The following CECR2 variants were observed in gnomAD, a reference collection of about 807,000 sequenced individuals.
The protein encoded by CECR2 is chromatin remodeling regulator CECR2.
CECR2 carries 30 observed loss-of-function variants against 154.5 expected under a neutral mutation model. The observed-to-expected ratio is 0.19, with a 90% CI of 0.15 to 0.26. The LOEUF (loss-of-function observed/expected upper bound fraction) is 0.26, where lower values mean the gene tolerates loss of function less well. Ranked by LOEUF, CECR2 falls within the 10% of genes least tolerant of loss-of-function variation. The pLI is 1.00. For synonymous variants in CECR2, 725 were observed against 683.7 expected (o/e 1.06, Z -0.94); for missense variants, 1,743 against 1,829.3 (o/e 0.95, Z 0.86).
chr22:17,378,382 T>C lies in CECR2; in HGVS notation c.126+8473T>C, dbSNP rs563288919. On this transcript the variant is annotated intron_variant, in intron 1 of 18. Transcript: ENST00000262608. The stretch of plus-strand genomic sequence containing the variant: ...CACGATCTCGGCTCACTGCAACCTC[T>C]GCCTCCCGGGTTCACACCATTCTCC... 9.6e-3 allele frequency among the ~76,000 whole-genome samples: 1,405 copies of C among 146,244 alleles called. 23 individuals carry two copies. Among genetic ancestry groups the C allele is most frequent in the African/African-American group, 0.034 (1,332 of 39,642 alleles).
chr22:17,405,280 T>C (rs1237195434), intron 1 of CECR2, among the ~76,000 whole-genome samples: 3 of 151,744 alleles, frequency 2.0e-5, no homozygotes, highest in Non-Finnish European at 4.4e-5. Context: ...GGCATGGTGG[T>C]GGACGCCTGT....
At chr22:17,367,641 C>A (rs962693059), upstream of CECR2, among the ~76,000 whole-genome samples, 16 of 152,178 alleles carry the variant, frequency 1.1e-4, no homozygotes, top group African/African-American at 3.9e-4. Context: ...CCCGCCTCGG[C>A]CTCCCAAAGT....
intron 1 of CECR2, among the ~76,000 whole-genome samples, chr22:17,435,207 C>CTTTCT (rs1555909179): frequency 6.6e-6 from 1 of 150,816 alleles, no homozygotes; most frequent in African/African-American, 2.4e-5. Flanking sequence ...TTCTTTCTTT[C>CTTTCT]TTTTTTTTTA....
At chr22:17,510,458 A>C (rs1162939408) in intron 7 of CECR2, among the ~76,000 whole-genome samples, 1 of 144,962 alleles carries the variant, frequency 6.9e-6, no homozygotes, top group African/African-American at 2.5e-5. Flanking sequence ...CGACAGAACA[A>C]GAACCTATGA....
At position 17,484,903 on chromosome 22, in the gene CECR2, T is replaced by G. The variant is rs961592192; in HGVS notation, c.221+7221T>G. ...AACAAAAAAGGACATCAGGCCAGAT[T>G]TGGCCCTCGGGCTATAATTTTCCGA... On this transcript the variant is annotated intron_variant, in intron 2 of 18. Coordinates refer to ENST00000262608, the MANE Select transcript of CECR2 (RefSeq NM_001290047.2). Among the ~76,000 whole-genome samples the G allele has an allele frequency of 1.2e-4, 18 of 152,196 alleles. 1 individual carries two copies. The highest frequency in any genetic ancestry group is 2.9e-5 in the Non-Finnish European group (2 of 68,038).
intron 1 of CECR2, among the ~76,000 whole-genome samples, chr22:17,385,265 A>G (rs2063245100): frequency 1.3e-5 from 2 of 152,202 alleles, no homozygotes; most frequent in Admixed American, 1.3e-4. Flanking sequence ...CAACTTGGCT[A>G]ACTGGCTCAA....
intron 13 of CECR2, 87 bp from the exon 14 acceptor site, chr22:17,540,325 C>T (rs2056502252): frequency 8.2e-7 from 1 of 1,215,878 alleles, no homozygotes; most frequent in Admixed American, 3.5e-5. Flanking sequence ...ACCTATAGTT[C>T]TGTTTCTATA....
rs189648939 is a variant in CECR2, at chr22:17,503,939, C to T, written c.700+808C>T. Among the ~76,000 whole-genome samples, 630 of 151,850 alleles carry T rather than the reference C, an allele frequency of 4.1e-3. 7 individuals are homozygous for T. Among genetic ancestry groups the T allele is most frequent in the African/African-American group, 0.014 (586 of 41,400 alleles). ...GCAGGCACCTGTAATCCCAACTACT[C>T]GGGAGGCTGAGGCAGGAGAATCACT... On this transcript the variant is annotated intron_variant, in intron 6 of 18. Coordinates refer to ENST00000262608, the MANE Select transcript of CECR2 (RefSeq NM_001290047.2).
chr22:17,434,601 A>G (rs1374311044), intron 1 of CECR2, among the ~76,000 whole-genome samples: 3 of 150,470 alleles, frequency 2.0e-5, no homozygotes. Context: ...AAATAAGTTC[A>G]CCCCCACCAT....
In CECR2 at chr22:17,511,904, T is replaced by C. The variant is rs183665956; in HGVS notation, c.954+8T>C. The C allele has an allele frequency of 7.9e-5, 127 of 1,603,904 alleles. No individual in the cohort carries two copies. In the Middle Eastern group the frequency reaches 1.7e-3, roughly 21 times the overall value. ...AAACCCGTCAAGCAAGAGGTGAGTG[T>C]GGGTGAGAGTAGCGAGGAGGAGCTT... On this transcript the variant is annotated splice_region_variant and intron_variant, in intron 8 of 18. Coordinates refer to ENST00000262608, the MANE Select transcript of CECR2 (RefSeq NM_001290047.2).
At chr22:17,436,426 G>A (rs925510822) in intron 1 of CECR2, among the ~76,000 whole-genome samples, 3 of 152,198 alleles carry the variant, frequency 2.0e-5, no homozygotes, top group Non-Finnish European at 2.9e-5. Flanking sequence ...CTGGAGTGAC[G>A]GAAGAAAGAC....
chr22:17,418,230 T>G (rs2054184294), intron 1 of CECR2, among the ~76,000 whole-genome samples: 1 of 152,218 alleles, frequency 6.6e-6, no homozygotes, highest in African/African-American at 2.4e-5. Flanking sequence ...ACAGATAAAT[T>G]TGTCTGTCCT....
In CECR2 at chr22:17,555,744, C is replaced by T. The variant is rs189342281; in HGVS notation, c.*2904C>T. On this transcript the variant is annotated 3_prime_UTR_variant, in exon 19 of 19. Coordinates refer to ENST00000262608, the MANE Select transcript of CECR2 (RefSeq NM_001290047.2). Reference sequence around the variant, plus strand: ...AAGGTATCCTGAAAAGGTTTGCTCTCAAGCTAGAAGGACATTTCACCCTGT... The same window carrying T: ...AAGGTATCCTGAAAAGGTTTGCTCTTAAGCTAGAAGGACATTTCACCCTGT... The T allele has an allele frequency of 2.0e-5, 3 of 152,224 alleles. No homozygotes were observed. In the East Asian group the frequency reaches 5.8e-4, roughly 29 times the overall value. 9.4% of individuals were successfully genotyped at this position (152,224 alleles called of 1,614,324 possible).
At chr22:17,452,877 C>T (rs1026340120) in intron 1 of CECR2, among the ~76,000 whole-genome samples, 2 of 152,090 alleles carry the variant, frequency 1.3e-5, no homozygotes, top group Admixed American at 1.3e-4. Context: ...TCACTCATCA[C>T]ATCTTACACA....
At chr22:17,382,953 C>T (rs1156793195) in intron 1 of CECR2, among the ~76,000 whole-genome samples, 1 of 151,982 alleles carries the variant, frequency 6.6e-6, no homozygotes, top group East Asian at 1.9e-4. Context: ...ATTGGCCAGG[C>T]GCGGTGGCTC....
At chr22:17,433,596 C>G (rs531538502) in intron 1 of CECR2, among the ~76,000 whole-genome samples, 5 of 152,250 alleles carry the variant, frequency 3.3e-5, no homozygotes, top group African/African-American at 1.2e-4. Context: ...CAGGTGCGCA[C>G]TGCCATGCCC....
At chr22:17,457,135 C>T (rs1007396241) in intron 1 of CECR2, among the ~76,000 whole-genome samples, 2 of 152,260 alleles carry the variant, frequency 1.3e-5, no homozygotes, top group South Asian at 2.1e-4. Context: ...TCAAGCGATT[C>T]TCCTGTCTCA....
Position 17,555,814 on chromosome 22 carries a change from A to G in CECR2, c.*2974A>G, listed in dbSNP as rs2056766700. ...AGCGTGCCGGCTCTCAGTGGTCCCCAGGAGGATGGGGATAGCTGAGATCGT... is the reference window on the plus strand; with the variant it reads ...AGCGTGCCGGCTCTCAGTGGTCCCCGGGAGGATGGGGATAGCTGAGATCGT... On this transcript the variant is annotated 3_prime_UTR_variant, in exon 19 of 19. Coordinates refer to ENST00000262608, the MANE Select transcript of CECR2 (RefSeq NM_001290047.2). 6.6e-6 allele frequency: 1 copy of G among 152,170 alleles called. No individual in the cohort carries two copies. Among genetic ancestry groups the G allele is most frequent in the East Asian group, 1.9e-4 (1 of 5,198 alleles). 9.4% of individuals were successfully genotyped at this position (152,170 alleles called of 1,614,324 possible).
intron 7 of CECR2, among the ~76,000 whole-genome samples, chr22:17,505,794 C>T (rs2055832033): frequency 6.7e-6 from 1 of 148,792 alleles, no homozygotes; most frequent in East Asian, 2.0e-4. Flanking sequence ...GCCTCAGCCT[C>T]CCAAAGTGCT....
Sources: gnomAD v4.1 joint callset for allele counts (sites outside exome capture counted in the v4.1 genomes callset) on GRCh38, gnomAD v4.1.1 for gene constraint, MANE v1.5 for transcripts, NCBI Gene and HGNC (gene_info 2026-07-23, HGNC 2026-07-21) for gene names.